Variants in NRG3 observed in about 807,000 individuals in gnomAD.
The protein encoded by NRG3 is neuregulin 3, also known as pro-neuregulin-3, membrane-bound isoform.
NRG3 carries 31 observed loss-of-function variants against 66.9 expected under a neutral mutation model. The ratio of observed to expected loss-of-function variants is 0.46; its 90% CI spans 0.35 to 0.63. The LOEUF is 0.63. Ranked by LOEUF, NRG3 falls within the 20% of genes least tolerant of loss-of-function variation. NRG3 has a pLI of 0.00. For missense variants in NRG3, 910 were observed against 878.9 expected (o/e 1.04, Z -0.45); for synonymous variants, 393 against 359.4 (o/e 1.09, Z -1.06).
intron 1 of NRG3, among the ~76,000 whole-genome samples, chr10:82,250,372 G>T (rs1227128333): frequency 3.3e-5 from 5 of 152,058 alleles, no homozygotes; most frequent in East Asian, 1.9e-4. Context: ...ATCGCCTGAG[G>T]TCAGGAGTTG....
intron 1 of NRG3, among the ~76,000 whole-genome samples, chr10:81,967,281 CAGA>C (rs1403166649): frequency 6.6e-6 from 1 of 151,626 alleles, no homozygotes; most frequent in Non-Finnish European, 1.5e-5. Context: ...AAGTTTTTAA[CAGA>C]AGATTTATCT....
At chr10:82,924,173 G>GAAAGCACT (rs2132093535) in intron 4 of NRG3, among the ~76,000 whole-genome samples, 2 of 150,496 alleles carry the variant, frequency 1.3e-5, no homozygotes, top group Admixed American at 1.3e-4. Context: ...CTAGAAGGCA[G>GAAAGCACT]AAAGCACTAA....
intron 2 of NRG3, among the ~76,000 whole-genome samples, chr10:82,502,673 C>A (rs1844305483): frequency 6.6e-6 from 1 of 152,156 alleles, no homozygotes; most frequent in Non-Finnish European, 1.5e-5. Context: ...TTACAAATTT[C>A]TTTGTGCCTC....
chr10:82,321,019 A>G (rs986503152), intron 1 of NRG3, among the ~76,000 whole-genome samples: 1 of 152,162 alleles, frequency 6.6e-6, no homozygotes, highest in African/African-American at 2.4e-5. Flanking sequence ...ATGTCACCTG[A>G]TTCTTTCTGG....
At chr10:82,091,906 A>C (rs1305943965) in intron 1 of NRG3, among the ~76,000 whole-genome samples, 1 of 152,154 alleles carries the variant, frequency 6.6e-6, no homozygotes, top group Non-Finnish European at 1.5e-5. Context: ...AATTATGTTG[A>C]GTGTCCCCTC....
At chr10:82,548,930 A>T (rs1466949812) in intron 2 of NRG3, among the ~76,000 whole-genome samples, 1 of 152,184 alleles carries the variant, frequency 6.6e-6, no homozygotes, top group East Asian at 1.9e-4. Flanking sequence ...TAAAAGAAAT[A>T]CATTTAAATT....
chr10:82,801,732 C>T (rs77556238), intron 3 of NRG3, among the ~76,000 whole-genome samples: 4,662 of 152,178 alleles, frequency 0.031, 204 homozygotes, highest in African/African-American at 0.1. Context: ...TTGAAGAGTA[C>T]GCAGAATTTC....
At position 82,074,481 on chromosome 10, in the gene NRG3, T is replaced by A. The variant is rs189867649; in HGVS notation, c.823+198318T>A. ...AATTTTGGTTGCTTTTTTGAAAAAA[T>A]AGACTATAACACAGCAGTATTGGAA... is the stretch of plus-strand genomic sequence containing the variant. On this transcript the variant is annotated intron_variant, in intron 1 of 8. Coordinates refer to ENST00000372141, the MANE Select transcript of NRG3 (RefSeq NM_001010848.4). Among the ~76,000 whole-genome samples, 5 of 152,086 alleles carry A rather than the reference T, an allele frequency of 3.3e-5. No homozygotes were observed. In the East Asian group the frequency reaches 9.6e-4, roughly 29 times the overall value.
At chr10:82,024,149 A>G (rs911847066) in intron 1 of NRG3, among the ~76,000 whole-genome samples, 12 of 151,592 alleles carry the variant, frequency 7.9e-5, no homozygotes, top group African/African-American at 2.4e-4. Context: ...ATGGTTGTTC[A>G]GAATATCCTC....
intron 1 of NRG3, among the ~76,000 whole-genome samples, chr10:82,078,586 G>T (rs138720268): frequency 2.6e-5 from 4 of 152,140 alleles, no homozygotes; most frequent in Non-Finnish European, 5.9e-5. Context: ...TCATGACCTC[G>T]TGATCCGACC....
chr10:82,844,294 T>A (rs2063204746), intron 3 of NRG3, among the ~76,000 whole-genome samples: 1 of 152,230 alleles, frequency 6.6e-6, no homozygotes, highest in Non-Finnish European at 1.5e-5. Context: ...ATTTAGTCCT[T>A]ATTGATACAA....
intron 4 of NRG3, among the ~76,000 whole-genome samples, chr10:82,929,683 A>G (rs1847360254): frequency 6.6e-6 from 1 of 152,082 alleles, no homozygotes; most frequent in East Asian, 1.9e-4. Context: ...CAGGAGTTCA[A>G]TACCAGCCAA....
intron 4 of NRG3, among the ~76,000 whole-genome samples, chr10:82,868,691 CT>C (rs1371753978): frequency 1.3e-5 from 2 of 152,152 alleles, no homozygotes; most frequent in East Asian, 1.9e-4. Flanking sequence ...TCAGATTTAA[CT>C]TTTTTATTTT....
At chr10:82,498,467 C>A (rs1327821649) in intron 2 of NRG3, among the ~76,000 whole-genome samples, 1 of 152,114 alleles carries the variant, frequency 6.6e-6, no homozygotes, top group African/African-American at 2.4e-5. Context: ...CACTGCTTGT[C>A]TTCATCAGAA....
chr10:82,857,560 G>A (rs2063877137), intron 3 of NRG3, among the ~76,000 whole-genome samples: 1 of 152,094 alleles, frequency 6.6e-6, no homozygotes, highest in Admixed American at 6.5e-5. Flanking sequence ...GCCACAGATA[G>A]ACTCCTGATT....
At chr10:82,674,827 T>G (rs530356463) in intron 2 of NRG3, among the ~76,000 whole-genome samples, 22 of 149,714 alleles carry the variant, frequency 1.5e-4, no homozygotes, top group African/African-American at 5.2e-4. Flanking sequence ...ACAAAATTAA[T>G]TCACATAATT....
intron 4 of NRG3, among the ~76,000 whole-genome samples, chr10:82,950,975 C>T (rs1030244674): frequency 6.6e-6 from 1 of 151,718 alleles, no homozygotes; most frequent in Non-Finnish European, 1.5e-5. Flanking sequence ...ATTTTTTCTT[C>T]ATGAGTGATG....
intron 2 of NRG3, among the ~76,000 whole-genome samples, chr10:82,645,222 A>T (rs2050851660): frequency 6.6e-6 from 1 of 152,146 alleles, no homozygotes; most frequent in South Asian, 2.1e-4. Flanking sequence ...ACCAACATTT[A>T]CACAAGACTT....
intron 1 of NRG3, among the ~76,000 whole-genome samples, chr10:81,924,539 T>C (rs767688732): frequency 6.6e-6 from 1 of 152,192 alleles, no homozygotes; most frequent in Non-Finnish European, 1.5e-5. Context: ...AAGCATGAGT[T>C]ACACCAGGGA....
Sources: gnomAD v4.1 joint callset for allele counts (sites outside exome capture counted in the v4.1 genomes callset) on GRCh38, gnomAD v4.1.1 for gene constraint, MANE v1.5 for transcripts, NCBI Gene and HGNC (gene_info 2026-07-23, HGNC 2026-07-21) for gene names.